Variants in PARVG observed in about 807,000 individuals in gnomAD.
The protein encoded by PARVG is gamma-parvin.
A neutral mutation model predicts 44.4 loss-of-function variants in PARVG; 36 were observed. The observed-to-expected ratio is 0.81, with a 90% CI of 0.62 to 1.07. The LOEUF (loss-of-function observed/expected upper bound fraction) is 1.07, where lower values mean the gene tolerates loss of function less well. Among genes scored for constraint, PARVG ranks in the 50% least tolerant of loss-of-function variants. PARVG has a pLI of 0.00. For missense variants in PARVG, 407 were observed against 407.4 expected (o/e 1.00, Z 0.01); for synonymous variants, 170 against 174.1 (o/e 0.98, Z 0.19).
At chr22:44,197,480 C>T (rs1388162603) in intron 11 of PARVG, among the ~76,000 whole-genome samples, 1 of 152,142 alleles carries the variant, frequency 6.6e-6, no homozygotes, top group Non-Finnish European at 1.5e-5. Context: ...CAGCTGGGGC[C>T]AGAGTTAGTG....
At chr22:44,190,318 C>T (rs2054530637) in intron 6 of PARVG, among the ~76,000 whole-genome samples, 1 of 152,150 alleles carries the variant, frequency 6.6e-6, no homozygotes, top group African/African-American at 2.4e-5. Context: ...TGTCTAGAGC[C>T]CCTTCCACAA....
At chr22:44,189,079 G>C in intron 5 of PARVG, 35 bp from the exon 6 acceptor site, 3 of 1,613,188 alleles carry the variant, frequency 1.9e-6, no homozygotes, top group Non-Finnish European at 8.5e-7. Flanking sequence ...GTCTGTCCCC[G>C]GCCAGGGGTC....
intron 11 of PARVG, among the ~76,000 whole-genome samples, chr22:44,197,310 A>G (rs1368945435): frequency 6.6e-6 from 1 of 152,214 alleles, no homozygotes; most frequent in Non-Finnish European, 1.5e-5. Flanking sequence ...TCCCAGGGCA[A>G]AATGCTTTCC....
upstream of PARVG, among the ~76,000 whole-genome samples, chr22:44,177,831 A>T (rs2054333239): frequency 6.6e-6 from 1 of 152,102 alleles, no homozygotes; most frequent in African/African-American, 2.4e-5. Flanking sequence ...ACACCACTGC[A>T]CTCCAGTCTG....
chr22:44,204,177 G>A (rs931318469), intron 12 of PARVG, among the ~76,000 whole-genome samples: 15 of 152,146 alleles, frequency 9.9e-5, no homozygotes, highest in Non-Finnish European at 1.5e-4. Flanking sequence ...ACAGAGGAGC[G>A]GCCCTGCTGC....
intron 4 of PARVG, 100 bp downstream of exon 4, chr22:44,185,972 G>C: frequency 1.6e-6 from 2 of 1,219,260 alleles, no homozygotes; most frequent in South Asian, 2.6e-5. Flanking sequence ...CCACTCCTTG[G>C]CCTCAGGCTG....
intron 3 of PARVG, chr22:44,185,166 C>T (rs139131): frequency 0.82 from 125,035 of 152,428 alleles, 51,488 homozygotes; most frequent in African/African-American, 0.87. Flanking sequence ...TTTCAGAATA[C>T]CTAGGAAAAG....
chr22:44,197,669 G>A (rs79865703), intron 11 of PARVG, among the ~76,000 whole-genome samples: 1,571 of 152,240 alleles, frequency 0.01, 30 homozygotes, highest in African/African-American at 0.035. Context: ...TGTGACCTTG[G>A]GTGAGTTACT....
chr22:44,183,916 G>T (rs1356647980), intron 3 of PARVG: 2 of 313,904 alleles, frequency 6.4e-6, no homozygotes, highest in African/African-American at 4.3e-5. Context: ...GCAGGGTGTG[G>T]GGCTCCTGAC....
intron 12 of PARVG, among the ~76,000 whole-genome samples, chr22:44,204,202 C>CAG (rs1228893221): frequency 2.0e-5 from 3 of 152,170 alleles, no homozygotes; most frequent in African/African-American, 7.2e-5. Context: ...GCTGGGCACC[C>CAG]TGCCCATACA....
In PARVG at chr22:44,207,485, A is replaced by AGTGGGACTTGTGGGGAGGG. The variant is rs2054797376; in HGVS notation, c.*1063_*1081dup. ...GGGAGGAGTGGGACTTGTGGGGAGGAGTGGGACTTGTGGGGAGGGGTGAGG... is the reference window on the plus strand; with the variant it reads ...GGGAGGAGTGGGACTTGTGGGGAGGAGTGGGACTTGTGGGGAGGGGTGGGACTTGTGGGGAGGGGTGAGG... On this transcript the variant is annotated 3_prime_UTR_variant, in exon 14 of 14. Transcript: ENST00000444313. 2 of 49,148 alleles carry AGTGGGACTTGTGGGGAGGG rather than the reference A, an allele frequency of 4.1e-5. No homozygotes were observed. The highest frequency in any genetic ancestry group is 1.8e-4 in the African/African-American group (2 of 11,020). The allele number at this position is 49,148 out of a possible 1,614,324, so 3.0% of individuals were successfully genotyped here. A position where few individuals can be genotyped will look rare whatever the true frequency, so the allele number is the denominator to read the frequency against.
chr22:44,198,777 A>G, intron 12 of PARVG, 55 bp downstream of exon 12: 1 of 1,370,114 alleles, frequency 7.3e-7, no homozygotes, highest in African/African-American at 1.4e-5. Context: ...ACAGATATAC[A>G]GAACTGGCAT....
chr22:44,198,945 CCCAT>C (rs1292696321), intron 12 of PARVG, among the ~76,000 whole-genome samples: 40 of 23,006 alleles, frequency 1.7e-3, no homozygotes, highest in Admixed American at 8.5e-3. Context: ...CATCCACCCA[CCCAT>C]CCATCCATCC....
chr22:44,184,162 C>A (rs1360965030), intron 3 of PARVG: 1 of 152,598 alleles, frequency 6.6e-6, no homozygotes, highest in African/African-American at 2.4e-5. Context: ...TGAACAACAG[C>A]TTGCAAGGAA....
At chr22:44,189,606 G>A (rs2147226373) in intron 6 of PARVG, among the ~76,000 whole-genome samples, 1 of 152,310 alleles carries the variant, frequency 6.6e-6, no homozygotes, top group South Asian at 2.1e-4. Context: ...TATCTGCAGG[G>A]CCTGCTTATA....
chr22:44,187,860 A>G lies in PARVG; in HGVS notation c.229A>G (p.Ile77Val). Residue 77 changes from isoleucine to valine, a missense_variant, in exon 5 of 14, where the codon ATC (isoleucine) becomes GTC (valine). Transcript: ENST00000444313. Reference protein sequence around the residue: ...SLEEDMFDGLILHHLFQRLAA... With the variant: ...SLEEDMFDGLVLHHLFQRLAA... The stretch of plus-strand genomic sequence containing the variant: ...GGAGGAGGACATGTTCGACGGGCTC[A>G]TCCTACACCACCTATTCCGTAAGTG... 6.2e-7 allele frequency: 1 copy of G among 1,614,222 alleles called. No individual in the cohort carries two copies. The highest frequency in any genetic ancestry group is 8.5e-7 in the Non-Finnish European group (1 of 1,180,038).
In PARVG at chr22:44,206,305, T is replaced by G. The variant is rs758343879; in HGVS notation, c.887-12T>G. 3.1e-6 allele frequency: 5 copies of G among 1,606,196 alleles called. No homozygotes were observed. In the East Asian group the frequency reaches 1.1e-4, roughly 36 times the overall value. Reference sequence around the variant, plus strand: ...GGCCTGACTGGCTGCCCTGCCCTCCTTTGGCCCGCAGATATCGTGAACAAG... The same window carrying G: ...GGCCTGACTGGCTGCCCTGCCCTCCGTTGGCCCGCAGATATCGTGAACAAG... On this transcript the variant is annotated splice_polypyrimidine_tract_variant and intron_variant, in intron 13 of 13. Coordinates refer to ENST00000444313, the MANE Select transcript of PARVG (RefSeq NM_022141.7).
At chr22:44,204,710 A>G (rs763998715) in intron 12 of PARVG, among the ~76,000 whole-genome samples, 3 of 152,202 alleles carry the variant, frequency 2.0e-5, no homozygotes, top group Admixed American at 2.0e-4. Flanking sequence ...TAGGGAGGGA[A>G]CGGGACCAGC....
At position 44,207,951 on chromosome 22, in the gene PARVG, C is replaced by G. The variant is rs1293998651; in HGVS notation, c.*1525C>G. ...CCTCCCACACCAGGTACCTGGAGCC[C>G]AGCTCCTTCCACCTGCTCAGGTGCC... On this transcript the variant is annotated 3_prime_UTR_variant, in exon 14 of 14. Transcript: ENST00000444313. The G allele has an allele frequency of 6.6e-6, 1 of 152,456 alleles. No individual in the cohort carries two copies. The highest frequency in any genetic ancestry group is 1.5e-5 in the Non-Finnish European group (1 of 68,256). 9.4% of individuals were successfully genotyped at this position (152,456 alleles called of 1,614,324 possible).
Sources: allele counts gnomAD v4.1 joint callset (sites outside exome capture counted in the v4.1 genomes callset), GRCh38; gene constraint gnomAD v4.1.1; transcripts MANE v1.5; gene names NCBI Gene and HGNC (gene_info 2026-07-23, HGNC 2026-07-21).